Variants in KDSR observed in about 807,000 individuals in gnomAD.
KDSR encodes the protein 3-ketodihydrosphingosine reductase.
KDSR carries 23 observed loss-of-function variants against 41.3 expected under a neutral mutation model. The ratio of observed to expected loss-of-function variants is 0.56; its 90% CI spans 0.40 to 0.79. KDSR has a LOEUF of 0.79. Among genes scored for constraint, KDSR ranks in the 30% least tolerant of loss-of-function variants. KDSR has a pLI of 0.00. For missense variants in KDSR, 351 were observed against 416.8 expected, an observed-to-expected ratio of 0.84 and a Z score of 1.37; for synonymous variants, 138 against 151.7, an observed-to-expected ratio of 0.91 and a Z score of 0.66.
In KDSR at chr18:63,338,803, G is replaced by A. The variant is rs749446295; in HGVS notation, c.774C>T (p.Ala258=). Residue 258 remains alanine, a synonymous_variant, in exon 8 of 10, where the codon GCC becomes GCT. Coordinates refer to ENST00000645214, the MANE Select transcript of KDSR (RefSeq NM_002035.4). ...AGAAAACAAGGATTTTACTTACTATGGCATCTTTAACAATTTGTTTGGCCA... is the reference window on the plus strand; with the variant it reads ...AGAAAACAAGGATTTTACTTACTATAGCATCTTTAACAATTTGTTTGGCCA... The part of the protein sequence containing the change: ...EQVAKQIVKD[A]IQGNFNSSLG... 35 of 1,590,758 alleles carry A rather than the reference G, an allele frequency of 2.2e-5. No homozygotes were observed. In the East Asian group the frequency reaches 6.5e-4, roughly 29 times the overall value.
intron 2 of KDSR, among the ~76,000 whole-genome samples, chr18:63,360,714 C>T (rs1914934528): frequency 6.6e-6 from 1 of 151,582 alleles, no homozygotes; most frequent in Non-Finnish European, 1.5e-5. Flanking sequence ...GAAGCCCCGT[C>T]TCTACCAAAA....
intron 7 of KDSR, among the ~76,000 whole-genome samples, chr18:63,340,933 TAC>T (rs1331131211): frequency 6.6e-6 from 1 of 152,136 alleles, no homozygotes; most frequent in African/African-American, 2.4e-5. Context: ...CAGCAAGTCT[TAC>T]TCTCCCAAAG....
intron 8 of KDSR, among the ~76,000 whole-genome samples, chr18:63,337,113 A>ATATATATATATATAT (rs1555713254): frequency 6.3e-5 from 8 of 127,762 alleles, no homozygotes; most frequent in African/African-American, 9.5e-5. Flanking sequence ...TATATATGTG[A>ATATATATATATATAT]ATATATATAT....
rs1183487690 is a variant in KDSR, at chr18:63,328,138, T to C, written c.*3644A>G. 1 of 186,076 alleles carries C rather than the reference T, an allele frequency of 5.4e-6. No individual in the cohort carries two copies. Among genetic ancestry groups the C allele is most frequent in the African/African-American group, 2.3e-5 (1 of 42,778 alleles). 11.5% of individuals were successfully genotyped at this position (186,076 alleles called of 1,614,324 possible). Reference sequence around the variant, plus strand: ...AGTGGCCTCAAGTGAGTAATACATGTTTAAATTAGAACCTGATGTAATTAA... The same window carrying C: ...AGTGGCCTCAAGTGAGTAATACATGCTTAAATTAGAACCTGATGTAATTAA... On this transcript the variant is annotated 3_prime_UTR_variant, in exon 10 of 10. Coordinates refer to ENST00000645214, the MANE Select transcript of KDSR (RefSeq NM_002035.4).
At chr18:63,363,952 T>C (rs896185954) in intron 1 of KDSR, among the ~76,000 whole-genome samples, 10 of 152,078 alleles carry the variant, frequency 6.6e-5, no homozygotes, top group African/African-American at 1.9e-4. Flanking sequence ...AATGCACCTA[T>C]CTCTATGGGA....
chr18:63,362,882 A>C lies in KDSR; in HGVS notation c.109-14T>G. 6.3e-7 allele frequency: 1 copy of C among 1,584,722 alleles called. No individual in the cohort carries two copies. Among genetic ancestry groups the C allele is most frequent in the Non-Finnish European group, 8.7e-7 (1 of 1,154,362 alleles). On this transcript the variant is annotated splice_polypyrimidine_tract_variant and intron_variant, in intron 1 of 9. Transcript: ENST00000645214. ...ACCTCCTGTAACCTAAAACAAAATC[A>C]TAAAATATTCTTAGCACTTGAAATC...
At chr18:63,360,380 C>G (rs1421933322) in intron 2 of KDSR, among the ~76,000 whole-genome samples, 2 of 152,272 alleles carry the variant, frequency 1.3e-5, no homozygotes, top group Non-Finnish European at 2.9e-5. Context: ...CTCAAGAAAA[C>G]AGATATCAGA....
At chr18:63,363,186 A>G (rs2144382820) in intron 1 of KDSR, among the ~76,000 whole-genome samples, 1 of 151,768 alleles carries the variant, frequency 6.6e-6, no homozygotes, top group African/African-American at 2.4e-5. Flanking sequence ...TCTGATTCCA[A>G]ATCCAAATGA....
In KDSR at chr18:63,351,847, AAC is replaced by A. The variant is rs770021904; in HGVS notation, c.418-770_418-769del. 2.6e-5 allele frequency among the ~76,000 whole-genome samples: 4 copies of A among 152,192 alleles called. 1 individual carries two copies. On this transcript the variant is annotated intron_variant, in intron 5 of 9. Transcript: ENST00000645214. ...CACCCAGGCTGAAGTGCAATGGTGC[AAC>A]CTTGGCTTACTGCAGTCTCAATCTC... is the stretch of plus-strand genomic sequence containing the variant.
intron 6 of KDSR, among the ~76,000 whole-genome samples, chr18:63,346,775 T>G (rs1404658969): frequency 6.6e-6 from 1 of 152,220 alleles, no homozygotes; most frequent in Non-Finnish European, 1.5e-5. Context: ...TATTTATTCA[T>G]GCAACAACGA....
chr18:63,349,672 G>T (rs930207398), intron 6 of KDSR, among the ~76,000 whole-genome samples: 10 of 152,232 alleles, frequency 6.6e-5, no homozygotes, highest in African/African-American at 2.2e-4. Flanking sequence ...TGCAACGCTC[G>T]TCCCATATCT....
At chr18:63,353,176 G>A (rs192405806) in intron 5 of KDSR, among the ~76,000 whole-genome samples, 127 of 151,258 alleles carry the variant, frequency 8.4e-4, no homozygotes, top group African/African-American at 3.0e-3. Flanking sequence ...GTAAGACTCC[G>A]TCTCCAAAAA....
intron 5 of KDSR, among the ~76,000 whole-genome samples, chr18:63,354,861 T>C (rs1478228656): frequency 6.6e-6 from 1 of 152,182 alleles, no homozygotes; most frequent in African/African-American, 2.4e-5. Context: ...TTAATAATAC[T>C]GATGTTTGAT....
intron 7 of KDSR, among the ~76,000 whole-genome samples, chr18:63,344,180 A>C (rs1468560220): frequency 6.6e-6 from 1 of 152,202 alleles, no homozygotes; most frequent in Non-Finnish European, 1.5e-5. Flanking sequence ...CTGTCTCTAT[A>C]GAGAAAAAAT....
At chr18:63,344,760 C>T (rs1341295306) in intron 6 of KDSR, 1 of 335,462 alleles carries the variant, frequency 3.0e-6, no homozygotes, top group African/African-American at 2.1e-5. Context: ...GTCTTCCACT[C>T]CTGCTGCCCA....
Position 63,331,702 on chromosome 18 carries a change from A to G in KDSR, c.*80T>C. The G allele has an allele frequency of 6.8e-7, 1 of 1,462,480 alleles. No homozygotes were observed. The highest frequency in any genetic ancestry group is 9.4e-7 in the Non-Finnish European group (1 of 1,067,030). 90.6% of individuals were successfully genotyped at this position (1,462,480 alleles called of 1,614,324 possible). A position where few individuals can be genotyped will look rare whatever the true frequency, so the allele number is the denominator to read the frequency against. On this transcript the variant is annotated 3_prime_UTR_variant, in exon 10 of 10. Transcript: ENST00000645214. ...ATTCGAAAACAATACATAAGTGTCTATAGGCCAAAAATTGGGTCCCATTTA... is the reference window on the plus strand; with the variant it reads ...ATTCGAAAACAATACATAAGTGTCTGTAGGCCAAAAATTGGGTCCCATTTA...
intron 7 of KDSR, among the ~76,000 whole-genome samples, chr18:63,339,371 C>T (rs1002701310): frequency 5.9e-5 from 9 of 152,210 alleles, no homozygotes; most frequent in Non-Finnish European, 8.8e-5. Flanking sequence ...CAGGGACAGT[C>T]GCAACCCAGC....
intron 9 of KDSR, among the ~76,000 whole-genome samples, chr18:63,334,262 T>C (rs1262096997): frequency 6.6e-6 from 1 of 152,204 alleles, no homozygotes; most frequent in Non-Finnish European, 1.5e-5. Context: ...CTGCACAGAA[T>C]TTAGTACTTG....
At chr18:63,333,584 C>T (rs980277335) in intron 9 of KDSR, among the ~76,000 whole-genome samples, 9 of 152,274 alleles carry the variant, frequency 5.9e-5, no homozygotes, top group African/African-American at 2.2e-4. Flanking sequence ...GCAGCTGCCA[C>T]CTGTGCTTGC....
Sources: gnomAD v4.1 joint callset for allele counts (sites outside exome capture counted in the v4.1 genomes callset) on GRCh38, gnomAD v4.1.1 for gene constraint, MANE v1.5 for transcripts, NCBI Gene and HGNC (gene_info 2026-07-23, HGNC 2026-07-21) for gene names.